NCKAP5: variants seen among roughly 807,000 people sequenced by gnomAD.
The protein encoded by NCKAP5 is NCK associated protein 5, also known as nck-associated protein 5.
Under a neutral mutation model 167.0 loss-of-function variants are expected in NCKAP5, and 92 were observed. The observed-to-expected ratio is 0.55, with a 90% CI of 0.47 to 0.66. The LOEUF (loss-of-function observed/expected upper bound fraction) is 0.66, where lower values mean the gene tolerates loss of function less well. Ranked by LOEUF, NCKAP5 falls within the 30% of genes least tolerant of loss-of-function variation. The pLI is 0.00. For missense variants in NCKAP5, 2,378 were observed against 2,315.0 expected, an observed-to-expected ratio of 1.03 and a Z score of -0.56; for synonymous variants, 891 against 877.4, an observed-to-expected ratio of 1.02 and a Z score of -0.27.
At chr2:132,927,303 T>C (rs1312185921) in intron 8 of NCKAP5, among the ~76,000 whole-genome samples, 1 of 152,164 alleles carries the variant, frequency 6.6e-6, no homozygotes, top group East Asian at 1.9e-4. Context: ...GGTAATGTGA[T>C]GTCTAACTTT....
intron 5 of NCKAP5, among the ~76,000 whole-genome samples, chr2:133,151,304 A>C (rs2083376920): frequency 6.6e-6 from 1 of 152,216 alleles, no homozygotes; most frequent in African/African-American, 2.4e-5. Flanking sequence ...GACTTCATTA[A>C]AATGAAAAAC....
chr2:133,610,340 C>T, the NCKAP5 span, among the ~76,000 whole-genome samples: 1 of 152,142 alleles, frequency 6.6e-6, no homozygotes. Flanking sequence ...TGAATTGGAG[C>T]TGTATCTGTT....
At chr2:133,256,626 A>G (rs2088632104) in intron 4 of NCKAP5, among the ~76,000 whole-genome samples, 1 of 152,216 alleles carries the variant, frequency 6.6e-6, no homozygotes, top group Non-Finnish European at 1.5e-5. Flanking sequence ...AGTGTATTAT[A>G]ACCACCTAAT....
At chr2:133,459,224 T>C (rs1313792832) in intron 3 of NCKAP5, among the ~76,000 whole-genome samples, 1 of 152,174 alleles carries the variant, frequency 6.6e-6, no homozygotes, top group Non-Finnish European at 1.5e-5. Context: ...TTCTCTCAAA[T>C]TGATAGAGAC....
At chr2:133,558,162 C>CT (rs1350424219) in intron 2 of NCKAP5, 2 of 152,162 alleles carry the variant, frequency 1.3e-5, no homozygotes, top group African/African-American at 4.8e-5. Context: ...TTCGTTTGGC[C>CT]TGTAATGTGG....
chr2:133,640,846 C>A, the NCKAP5 span, among the ~76,000 whole-genome samples: 1 of 152,166 alleles, frequency 6.6e-6, no homozygotes, highest in African/African-American at 2.4e-5. Flanking sequence ...CAAATATGAA[C>A]AACTGCTGTA....
intron 3 of NCKAP5, among the ~76,000 whole-genome samples, chr2:133,513,467 T>A (rs1157683200): frequency 6.6e-6 from 1 of 152,196 alleles, no homozygotes; most frequent in African/African-American, 2.4e-5. Context: ...TGGTGCATCC[T>A]CCAGGGATGA....
chr2:132,939,509 C>A (rs1489294035), intron 8 of NCKAP5, among the ~76,000 whole-genome samples: 1 of 152,144 alleles, frequency 6.6e-6, no homozygotes, highest in Non-Finnish European at 1.5e-5. Flanking sequence ...GAAAGGGATT[C>A]TGTTTGTTCA....
intron 8 of NCKAP5, among the ~76,000 whole-genome samples, chr2:132,886,453 C>T (rs574672982): frequency 6.6e-5 from 10 of 152,184 alleles, no homozygotes; most frequent in Non-Finnish European, 8.8e-5. Context: ...ATGCAATAGC[C>T]TAATCTACTC....
intron 5 of NCKAP5, among the ~76,000 whole-genome samples, chr2:133,193,468 T>C (rs1166240213): frequency 1.3e-5 from 2 of 152,158 alleles, no homozygotes; most frequent in Non-Finnish European, 2.9e-5. Context: ...AGTAGTTATC[T>C]AGCAATGAAA....
intron 16 of NCKAP5, among the ~76,000 whole-genome samples, chr2:132,757,937 C>T (rs2104835246): frequency 1.3e-5 from 2 of 152,324 alleles, no homozygotes; most frequent in Middle Eastern, 6.8e-3. Context: ...ACCAACTCCC[C>T]CTGCATTTGC....
At chr2:132,969,086 G>A (rs1391037314) in intron 7 of NCKAP5, among the ~76,000 whole-genome samples, 3 of 152,144 alleles carry the variant, frequency 2.0e-5, no homozygotes, top group African/African-American at 7.2e-5. Flanking sequence ...TGCCCAGGCT[G>A]GGGTGCAGTG....
chr2:133,108,940 T>G, intron 6 of NCKAP5, among the ~76,000 whole-genome samples: 1 of 152,242 alleles, frequency 6.6e-6, no homozygotes, highest in East Asian at 1.9e-4. Context: ...TCTTACACTG[T>G]TGGAAATTTA....
chr2:133,064,926 A>G (rs1322502352), intron 6 of NCKAP5, among the ~76,000 whole-genome samples: 1 of 152,242 alleles, frequency 6.6e-6, no homozygotes. Flanking sequence ...AACTGAGGAT[A>G]TATTAGCAGA....
chr2:133,185,604 A>G (rs1489049060), intron 5 of NCKAP5, among the ~76,000 whole-genome samples: 2 of 152,032 alleles, frequency 1.3e-5, no homozygotes, highest in Non-Finnish European at 2.9e-5. Context: ...TAAGCATAAA[A>G]TATTTTTCCA....
intron 8 of NCKAP5, among the ~76,000 whole-genome samples, chr2:132,894,893 A>G (rs557568072): frequency 1.3e-5 from 2 of 152,212 alleles, no homozygotes; most frequent in Non-Finnish European, 1.5e-5. Context: ...TTCTGCGAGG[A>G]CAGGAGGACA....
intron 3 of NCKAP5, among the ~76,000 whole-genome samples, chr2:133,417,058 C>T (rs1363185546): frequency 6.6e-6 from 1 of 151,344 alleles, no homozygotes; most frequent in East Asian, 1.9e-4. Context: ...TAAAAAAACA[C>T]TTTTCTCCTT....
chr2:133,411,814 G>A (rs571775274), intron 3 of NCKAP5, among the ~76,000 whole-genome samples: 31 of 152,268 alleles, frequency 2.0e-4, no homozygotes, highest in East Asian at 5.8e-4. Context: ...AGCAAAATTC[G>A]ACTTTGGGTT....
chr2:132,714,761 C>T (rs183148392), intron 19 of NCKAP5: 19 of 409,282 alleles, frequency 4.6e-5, no homozygotes, highest in South Asian at 7.2e-5. Flanking sequence ...TGCAGTGAGC[C>T]GAGATCATGC....
Sources: gnomAD v4.1 joint callset for allele counts (sites outside exome capture counted in the v4.1 genomes callset) on GRCh38, gnomAD v4.1.1 for gene constraint, MANE v1.5 for transcripts, NCBI Gene and HGNC (gene_info 2026-07-23, HGNC 2026-07-21) for gene names.